DMXL1: variants seen among roughly 807,000 people sequenced by gnomAD.
DMXL1 encodes the protein dmX-like protein 1.
Under a neutral mutation model 319.2 loss-of-function variants are expected in DMXL1, and 99 were observed. The observed-to-expected ratio is 0.31, with a 90% CI of 0.26 to 0.37. The LOEUF (loss-of-function observed/expected upper bound fraction) is 0.37. Ranked by LOEUF, DMXL1 falls within the 10% of genes least tolerant of loss-of-function variation. The probability of loss-of-function intolerance (pLI) is 1.00; values close to 1 mark genes in which losing one functional copy is unlikely to be tolerated. For synonymous variants in DMXL1, 1,385 were observed against 1,235.2 expected (o/e 1.12, Z -2.54); for missense variants, 3,745 against 3,595.6 (o/e 1.04, Z -1.06).
chr5:119,181,453 C>T (rs1283222853), intron 28 of DMXL1, among the ~76,000 whole-genome samples: 1 of 151,880 alleles, frequency 6.6e-6, no homozygotes, highest in African/African-American at 2.4e-5. Flanking sequence ...CATTTGCTAA[C>T]CAGAAAAAAA....
chr5:119,151,906 G>T (rs1423557958), intron 18 of DMXL1, 23 bp from the exon 19 acceptor site: 5 of 1,529,370 alleles, frequency 3.3e-6, no homozygotes, highest in Non-Finnish European at 4.5e-6. Flanking sequence ...TTAATACATT[G>T]CTTCCCCTTT....
chr5:119,204,479 CTTAAA>C (rs962476222), intron 33 of DMXL1, among the ~76,000 whole-genome samples: 6 of 151,688 alleles, frequency 4.0e-5, no homozygotes, highest in Admixed American at 3.3e-4. Context: ...GTGGATTATG[CTTAAA>C]TTAATGAAAT....
chr5:119,079,482 A>C (rs1328508294), intron 1 of DMXL1, among the ~76,000 whole-genome samples: 4 of 152,150 alleles, frequency 2.6e-5, no homozygotes, highest in Non-Finnish European at 5.9e-5. Context: ...CCAACCTGAA[A>C]ATCCTTTGCT....
intron 35 of DMXL1, among the ~76,000 whole-genome samples, chr5:119,219,352 G>T (rs943180342): frequency 6.6e-6 from 1 of 152,108 alleles, no homozygotes; most frequent in African/African-American, 2.4e-5. Context: ...GGGCAGACAT[G>T]ACTCACTTAT....
Position 119,134,043 on chromosome 5 carries a change from C to T in DMXL1, c.2119C>T (p.Leu707=). ...CAGTGCAGTTTACAGTGAGCTTATT[C>T]TGTGGAGGGTTGACCCAGTTGGGCC... The part of the protein sequence containing the change: ...DPSAVYSELI[L]WRVDPVGPLS... The change falls in exon 12 of 44, where the codon CTG becomes TTG. Residue 707 remains leucine (L), a synonymous_variant. Coordinates refer to ENST00000539542, the MANE Select transcript of DMXL1 (RefSeq NM_001290321.3). The T allele has an allele frequency of 2.5e-6, 4 of 1,614,164 alleles. No individual in the cohort carries two copies. The highest frequency in any genetic ancestry group is 1.1e-5 in the South Asian group (1 of 91,076).
At chr5:119,112,024 G>GCTCC (rs2149859648) in intron 5 of DMXL1, among the ~76,000 whole-genome samples, 1 of 152,052 alleles carries the variant, frequency 6.6e-6, no homozygotes, top group Non-Finnish European at 1.5e-5. Flanking sequence ...GCAGTGGTGT[G>GCTCC]ATCTCAGCTC....
chr5:119,135,206 T>A (rs529852240), intron 13 of DMXL1, among the ~76,000 whole-genome samples: 1 of 152,290 alleles, frequency 6.6e-6, no homozygotes, highest in African/African-American at 2.4e-5. Context: ...TCAGGCATTT[T>A]TAAGTAATGG....
At chr5:119,237,223 A>G (rs913191861) in intron 39 of DMXL1, 99 bp from the exon 40 acceptor site, 3 of 611,840 alleles carry the variant, frequency 4.9e-6, no homozygotes, top group Non-Finnish European at 8.3e-6. Flanking sequence ...ATACAGTCAA[A>G]TGTTTACGAG....
chr5:119,226,554 A>G (rs1172703371), intron 38 of DMXL1, among the ~76,000 whole-genome samples: 1 of 152,004 alleles, frequency 6.6e-6, no homozygotes, highest in Non-Finnish European at 1.5e-5. Context: ...GCTTTTGTCC[A>G]CTCCAAGCCA....
chr5:119,074,026 C>T (rs768959440), intron 1 of DMXL1, among the ~76,000 whole-genome samples: 5 of 151,738 alleles, frequency 3.3e-5, no homozygotes, highest in East Asian at 1.9e-4. Flanking sequence ...TCAAGAGATT[C>T]TCCTGCCTCA....
In DMXL1 at chr5:119,244,393, A is replaced by G. The variant is rs754608627; in HGVS notation, c.8739A>G (p.Leu2913=). ...FTCHDSGATV[L]AYAPKHQLLI... is the part of the protein sequence containing the mutation. ...GCCATGACAGTGGAGCCACAGTTTT[A>G]GCATATGCTCCAAAACATCAGCTAC... The change falls in exon 43 of 44, where the codon TTA becomes TTG. Residue 2913 remains leucine, a synonymous_variant. Transcript: ENST00000539542. 6.2e-7 allele frequency: 1 copy of G among 1,613,956 alleles called. No individual in the cohort carries two copies. The highest frequency in any genetic ancestry group is 8.5e-7 in the Non-Finnish European group (1 of 1,179,966).
At chr5:119,226,733 C>G (rs1008919997) in intron 38 of DMXL1, among the ~76,000 whole-genome samples, 1 of 152,196 alleles carries the variant, frequency 6.6e-6, no homozygotes, top group African/African-American at 2.4e-5. Flanking sequence ...ACACATCTGG[C>G]ATACTGGCTA....
intron 30 of DMXL1, among the ~76,000 whole-genome samples, chr5:119,195,688 C>T (rs989999273): frequency 3.1e-4 from 47 of 152,062 alleles, no homozygotes; most frequent in African/African-American, 8.7e-4. Flanking sequence ...CTTAATGCCC[C>T]TGAACTATAA....
rs1768669821 is a variant in DMXL1 at position 119,146,900 on chromosome 5, A to G, written c.2633A>G (p.Asn878Ser). 4 of 1,612,226 alleles carry G rather than the reference A, an allele frequency of 2.5e-6. No homozygotes were observed. The highest frequency in any genetic ancestry group is 3.3e-5 in the Admixed American group (2 of 59,780). The change falls in exon 16 of 44, where the codon AAC (asparagine) becomes AGC (serine). Residue 878 changes from asparagine (N) to serine (S), a missense_variant. Physicochemically the swap from Asn to Ser is conservative, Grantham distance 46. Transcript: ENST00000539542. The stretch of plus-strand genomic sequence containing the variant: ...ATTGTAATAGAATGCACTCAAGACA[A>G]CCGTTCACTGTTACACATGTGGAAT... ...YLIVIECTQD[N>S]RSLLHMWNLH...
chr5:119,170,348 A>T lies in DMXL1; in HGVS notation c.5557A>T (p.Ser1853Cys), dbSNP rs1260420949. 2 of 1,614,044 alleles carry T rather than the reference A, an allele frequency of 1.2e-6. No individual in the cohort carries two copies. The highest frequency in any genetic ancestry group is 1.7e-6 in the Non-Finnish European group (2 of 1,179,964). ...TGGACTGGCAGGAACAATTAATTTA[A>T]GTGAAAGACGTTTATTTTTTACCAC... ...KSGLAGTINLSERRLFFTTAS... is the reference protein window; with the variant it reads ...KSGLAGTINLCERRLFFTTAS... The change falls in exon 24 of 44, where the codon AGT becomes TGT. Residue 1853 changes from serine (S) to cysteine (C), a missense_variant. Coordinates refer to ENST00000539542, the MANE Select transcript of DMXL1 (RefSeq NM_001290321.3).
At position 119,116,102 on chromosome 5, in the gene DMXL1, A is replaced by G. The variant is rs545835974; in HGVS notation, c.565-56A>G. On this transcript the variant is annotated intron_variant, in intron 6 of 43. Coordinates refer to ENST00000539542, the MANE Select transcript of DMXL1 (RefSeq NM_001290321.3). ...AGAAAATTCTTACTTTTGCTATTTG[A>G]TTTAATCTTTAATTCTGATCTCCAT... is the stretch of plus-strand genomic sequence containing the variant. 54 of 1,497,748 alleles carry G rather than the reference A, an allele frequency of 3.6e-5. No homozygotes were observed. In the Admixed American group the frequency reaches 4.6e-4, roughly 13 times the overall value. The allele number at this position is 1,497,748 out of a possible 1,614,324, so 92.8% of individuals were successfully genotyped here.
chr5:119,107,813 C>A (rs1424431941), intron 4 of DMXL1, among the ~76,000 whole-genome samples: 2 of 152,036 alleles, frequency 1.3e-5, no homozygotes, highest in African/African-American at 2.4e-5. Flanking sequence ...GTCTATGAAA[C>A]CTTCTGTCTA....
intron 37 of DMXL1, among the ~76,000 whole-genome samples, chr5:119,221,788 T>TC (rs1433488895): frequency 6.6e-6 from 1 of 151,026 alleles, no homozygotes; most frequent in Non-Finnish European, 1.5e-5. Context: ...ATATTCTTTT[T>TC]TTTTTTTTAA....
chr5:119,203,597 A>G (rs771654835), intron 33 of DMXL1, among the ~76,000 whole-genome samples, 161 bp downstream of exon 33: 2 of 152,154 alleles, frequency 1.3e-5, no homozygotes, highest in Non-Finnish European at 2.9e-5. Context: ...AAGGGGCAGT[A>G]TTTTCATAAA....
Sources: gnomAD v4.1 joint callset for allele counts (sites outside exome capture counted in the v4.1 genomes callset) on GRCh38, gnomAD v4.1.1 for gene constraint, MANE v1.5 for transcripts, NCBI Gene and HGNC (gene_info 2026-07-23, HGNC 2026-07-21) for gene names.